The following TBCK variants were observed in gnomAD, a reference collection of about 807,000 sequenced individuals.
The protein encoded by TBCK is TBC1 domain containing kinase, also known as TBC domain-containing protein kinase-like protein.
In TBCK, 99 loss-of-function variants were observed where a neutral mutation model predicts 113.4. The observed-to-expected ratio is 0.87, with a 90% CI of 0.74 to 1.03. The LOEUF is 1.03. TBCK is among the 50% of genes least tolerant of loss of function. TBCK has a pLI of 0.00. For missense variants in TBCK, 1,045 were observed against 1,061.3 expected (o/e 0.98, Z 0.21); for synonymous variants, 369 against 370.8 (o/e 1.00, Z 0.05).
chr4:106,055,295 T>C (rs1193955426), intron 25 of TBCK, among the ~76,000 whole-genome samples: 1 of 151,384 alleles, frequency 6.6e-6, no homozygotes, highest in Non-Finnish European at 1.5e-5. Flanking sequence ...GATCACTCAA[T>C]AGAAGTGTGA....
At chr4:106,236,643 C>T in intron 13 of TBCK, 116 bp downstream of exon 13, 4 of 1,051,424 alleles carry the variant, frequency 3.8e-6, no homozygotes, top group Non-Finnish European at 5.0e-6. Context: ...AAACCAAAAC[C>T]TCAGGTTATT....
chr4:106,109,045 A>ACACT (rs1214619483), intron 24 of TBCK, among the ~76,000 whole-genome samples: 1 of 150,982 alleles, frequency 6.6e-6, no homozygotes, highest in East Asian at 2.0e-4. Context: ...ACACACACAC[A>ACACT]CACTCCCTAG....
At chr4:106,255,888 C>T (rs1177968027) in intron 5 of TBCK, among the ~76,000 whole-genome samples, 4 of 152,132 alleles carry the variant, frequency 2.6e-5, no homozygotes, top group Admixed American at 2.0e-4. Flanking sequence ...GTGGGTAGTT[C>T]CTCTCCACTG....
At chr4:106,153,824 T>G (rs545384995) in intron 23 of TBCK, among the ~76,000 whole-genome samples, 18 of 152,216 alleles carry the variant, frequency 1.2e-4, no homozygotes, top group African/African-American at 4.3e-4. Context: ...CGTCTCTTCT[T>G]AGAGTTTTTT....
chr4:106,071,855 C>T (rs1432257495), intron 25 of TBCK, among the ~76,000 whole-genome samples: 2 of 152,102 alleles, frequency 1.3e-5, no homozygotes, highest in Admixed American at 6.5e-5. Flanking sequence ...TATGTAATGG[C>T]CTTAATTGTC....
At chr4:106,112,194 G>T (rs1742944389) in intron 24 of TBCK, among the ~76,000 whole-genome samples, 1 of 152,200 alleles carries the variant, frequency 6.6e-6, no homozygotes, top group Non-Finnish European at 1.5e-5. Context: ...GGATGCAGAT[G>T]ATGCAATCAG....
chr4:106,302,152 C>T (rs1767010993), intron 2 of TBCK, among the ~76,000 whole-genome samples: 1 of 152,124 alleles, frequency 6.6e-6, no homozygotes, highest in South Asian at 2.1e-4. Context: ...GACAACTAGA[C>T]TTAGAATATA....
chr4:106,115,607 ACAAT>A (rs1441531497), intron 24 of TBCK, among the ~76,000 whole-genome samples: 4 of 152,330 alleles, frequency 2.6e-5, no homozygotes, highest in African/African-American at 7.2e-5. Context: ...TAGAAAATAC[ACAAT>A]CAAAGAATCT....
In TBCK at chr4:106,045,349, A is replaced by AT. The variant is rs1734126707; in HGVS notation, c.*1220dup. 6.6e-6 allele frequency: 1 copy of AT among 152,088 alleles called. No individual in the cohort carries two copies. Among genetic ancestry groups the AT allele is most frequent in the African/African-American group, 2.4e-5 (1 of 41,490 alleles). 9.4% of individuals were successfully genotyped at this position (152,088 alleles called of 1,614,324 possible). ...AAAGTGTCACAATTCATTTGGCTTC[A>AT]TTTTTTCTTTGTGGTACCTAAAATT... On this transcript the variant is annotated 3_prime_UTR_variant, in exon 26 of 26. Transcript: ENST00000394708.
chr4:106,219,049 G>T (rs1757343991), intron 19 of TBCK, among the ~76,000 whole-genome samples: 1 of 151,612 alleles, frequency 6.6e-6, no homozygotes, highest in South Asian at 2.1e-4. Context: ...CATAAATAAT[G>T]ATGAGTTCAT....
intron 23 of TBCK, among the ~76,000 whole-genome samples, chr4:106,156,346 C>T (rs1749120090): frequency 6.6e-6 from 1 of 152,196 alleles, no homozygotes; most frequent in Non-Finnish European, 1.5e-5. Context: ...CACTGGGTCT[C>T]GCCCAAGGCT....
At chr4:106,269,165 G>A (rs1763257957) in intron 3 of TBCK, among the ~76,000 whole-genome samples, 1 of 152,064 alleles carries the variant, frequency 6.6e-6, no homozygotes, top group South Asian at 2.1e-4. Context: ...TATATTAATG[G>A]TTAGCTACTG....
chr4:106,169,424 A>G (rs926247745), intron 23 of TBCK, among the ~76,000 whole-genome samples: 1 of 152,120 alleles, frequency 6.6e-6, no homozygotes, highest in Non-Finnish European at 1.5e-5. Flanking sequence ...AAAGGAACAA[A>G]GGCAATAAAA....
At chr4:106,125,384 T>C (rs1745068574) in intron 23 of TBCK, among the ~76,000 whole-genome samples, 1 of 152,152 alleles carries the variant, frequency 6.6e-6, no homozygotes, top group Non-Finnish European at 1.5e-5. Context: ...AATGAATTAC[T>C]ATTCAGCCAT....
intron 24 of TBCK, among the ~76,000 whole-genome samples, chr4:106,114,891 C>T (rs1003731463): frequency 2.0e-5 from 3 of 152,242 alleles, no homozygotes; most frequent in South Asian, 2.1e-4. Flanking sequence ...GAATTTAATG[C>T]CTCATTCGGG....
chr4:106,314,589 T>C (rs1271851829), intron 1 of TBCK, among the ~76,000 whole-genome samples: 1 of 151,806 alleles, frequency 6.6e-6, no homozygotes, highest in Non-Finnish European at 1.5e-5. Flanking sequence ...CACTTTATTA[T>C]TCAATCCTAC....
intron 3 of TBCK, among the ~76,000 whole-genome samples, chr4:106,294,470 A>G (rs565210910): frequency 3.2e-4 from 48 of 150,214 alleles, no homozygotes; most frequent in African/African-American, 1.2e-3. Flanking sequence ...TATACTAAAA[A>G]TACAGGAAAA....
In TBCK at chr4:106,095,533, G is replaced by C; in HGVS notation, c.2520C>G (p.Phe840Leu). Residue 840 changes from phenylalanine to leucine, a missense_variant, in exon 25 of 26, where the codon TTC becomes TTG. By Grantham distance (22) the Phe-to-Leu change is conservative. Transcript: ENST00000394708. ...QGPYTAMLQN[F>L]KGKVIVIVGH... is the part of the protein sequence containing the mutation. ...CCACGATGACAATGACCTTCCCTTTGAAGTTCTGGAGCATAGCAGTGTAAG... is the reference window on the plus strand; with the variant it reads ...CCACGATGACAATGACCTTCCCTTTCAAGTTCTGGAGCATAGCAGTGTAAG... 2 of 1,614,038 alleles carry C rather than the reference G, an allele frequency of 1.2e-6. No homozygotes were observed.
chr4:106,194,844 T>A, intron 20 of TBCK, 90 bp from the exon 21 acceptor site: 2 of 1,183,568 alleles, frequency 1.7e-6, no homozygotes, highest in Non-Finnish European at 2.4e-6. Flanking sequence ...ATGGTAAATG[T>A]AAGTTCTATG....
Sources: gnomAD v4.1 joint callset for allele counts (sites outside exome capture counted in the v4.1 genomes callset) on GRCh38, gnomAD v4.1.1 for gene constraint, MANE v1.5 for transcripts, NCBI Gene and HGNC (gene_info 2026-07-23, HGNC 2026-07-21) for gene names.